Variants in ARB2A observed in about 807,000 individuals in gnomAD.
The protein encoded by ARB2A is ARB2 cotranscriptional regulator A, also known as cotranscriptional regulator ARB2A.
the ARB2A span, among the ~76,000 whole-genome samples, chr5:93,800,381 T>TCACACACACACACACA: frequency 1.4e-5 from 2 of 140,960 alleles, no homozygotes; most frequent in Admixed American, 7.1e-5. Context: ...CTGCATATTT[T>TCACACACACACACACA]CACACACACA....
the ARB2A span, among the ~76,000 whole-genome samples, chr5:93,763,568 A>C: frequency 6.6e-6 from 1 of 152,320 alleles, no homozygotes; most frequent in South Asian, 2.1e-4. Context: ...AGACCTACAA[A>C]GAGACTTAGA....
the ARB2A span, among the ~76,000 whole-genome samples, chr5:93,749,176 T>C: frequency 6.6e-6 from 1 of 152,172 alleles, no homozygotes; most frequent in South Asian, 2.1e-4. Context: ...GTTGGTCAAG[T>C]CTCTCTTTTG....
chr5:93,955,077 C>CT, the ARB2A span, among the ~76,000 whole-genome samples: 3 of 152,196 alleles, frequency 2.0e-5, no homozygotes, highest in African/African-American at 7.2e-5. Context: ...TTCTTACCCT[C>CT]TTCAGTGCCT....
chr5:93,814,700 AT>A, the ARB2A span, among the ~76,000 whole-genome samples: 19 of 152,316 alleles, frequency 1.2e-4, no homozygotes, highest in Admixed American at 3.9e-4. Context: ...GCCAGAGACC[AT>A]GTGTTCTAAT....
the ARB2A span, among the ~76,000 whole-genome samples, chr5:93,817,618 G>C: frequency 1.3e-5 from 2 of 152,072 alleles, no homozygotes; most frequent in Admixed American, 1.3e-4. Context: ...CTGGTATGAA[G>C]ACAGGCATAT....
the ARB2A span, among the ~76,000 whole-genome samples, chr5:93,873,300 A>AG: frequency 2.3e-3 from 34 of 14,760 alleles, no homozygotes; most frequent in African/African-American, 5.1e-3. Flanking sequence ...TCAAAAAAAA[A>AG]AGGGGGGGGG....
the ARB2A span, among the ~76,000 whole-genome samples, chr5:94,047,458 C>T: frequency 1.2e-4 from 15 of 124,754 alleles, no homozygotes; most frequent in Non-Finnish European, 2.1e-4. Flanking sequence ...AGCTGAGGCG[C>T]CTGGCGCCTG....
At chr5:93,638,278 T>G in the ARB2A span, among the ~76,000 whole-genome samples, 4,921 of 152,262 alleles carry the variant, frequency 0.032, 114 homozygotes, top group Non-Finnish European at 0.049. Flanking sequence ...AAACTTACAG[T>G]TGATGTTAGA....
the ARB2A span, among the ~76,000 whole-genome samples, chr5:93,983,328 A>G: frequency 6.6e-6 from 1 of 152,054 alleles, no homozygotes; most frequent in South Asian, 2.1e-4. Context: ...TCTAAAAAGT[A>G]TTTTTTGTAC....
the ARB2A span, among the ~76,000 whole-genome samples, chr5:93,723,889 C>T: frequency 5.7e-3 from 867 of 152,100 alleles, 8 homozygotes; most frequent in Non-Finnish European, 6.8e-3. Flanking sequence ...ATCTGTGAAG[C>T]TGCTGTAAAT....
At chr5:94,068,527 G>C in the ARB2A span, among the ~76,000 whole-genome samples, 2 of 152,172 alleles carry the variant, frequency 1.3e-5, no homozygotes. Context: ...GACCCAAAGG[G>C]GGTTGCCACT....
the ARB2A span, among the ~76,000 whole-genome samples, chr5:93,835,229 A>T: frequency 6.6e-6 from 1 of 152,192 alleles, no homozygotes; most frequent in Admixed American, 6.5e-5. Flanking sequence ...AGGCATTGCA[A>T]GGTCTGCATT....
the ARB2A span, among the ~76,000 whole-genome samples, chr5:93,948,949 A>G: frequency 6.6e-6 from 1 of 152,052 alleles, no homozygotes; most frequent in African/African-American, 2.4e-5. Context: ...GGTAACTTCC[A>G]GGGTCTTACC....
the ARB2A span, among the ~76,000 whole-genome samples, chr5:94,056,220 C>CAGTTATGA: frequency 6.6e-6 from 1 of 152,158 alleles, no homozygotes; most frequent in Non-Finnish European, 1.5e-5. Flanking sequence ...ATAGAATAAA[C>CAGTTATGA]AGTTATGAAT....
chr5:93,777,314 TA>T, the ARB2A span, among the ~76,000 whole-genome samples: 6 of 150,764 alleles, frequency 4.0e-5, no homozygotes, highest in East Asian at 1.9e-4. Context: ...ATAATAATAA[TA>T]AAAAAAAATC....
chr5:93,881,739 C>A, the ARB2A span: 2 of 1,298,668 alleles, frequency 1.5e-6, no homozygotes, highest in Non-Finnish European at 2.0e-6. Context: ...TAATCCATTT[C>A]AATTTTCAAA....
the ARB2A span, chr5:93,910,787 C>G: frequency 6.6e-6 from 1 of 151,268 alleles, no homozygotes; most frequent in African/African-American, 2.4e-5. Flanking sequence ...AGGGAAAAAA[C>G]ACATTATTTC....
chr5:93,895,440 TTAGA>T, the ARB2A span, among the ~76,000 whole-genome samples: 4 of 152,324 alleles, frequency 2.6e-5, no homozygotes, highest in South Asian at 4.1e-4. Context: ...TGTTAACTAC[TTAGA>T]TATTTTAATT....
chr5:93,656,700 CTTTT>C, the ARB2A span, among the ~76,000 whole-genome samples: 2 of 152,184 alleles, frequency 1.3e-5, no homozygotes, highest in African/African-American at 4.8e-5. Flanking sequence ...ACACATCTTT[CTTTT>C]GTTTCCCCAA....
Sources: gnomAD v4.1 joint callset for allele counts (sites outside exome capture counted in the v4.1 genomes callset) on GRCh38, gnomAD v4.1.1 for gene constraint, MANE v1.5 for transcripts, NCBI Gene and HGNC (gene_info 2026-07-23, HGNC 2026-07-21) for gene names.